The following AFDN variants were observed in gnomAD, a reference collection of about 807,000 sequenced individuals.
AFDN encodes afadin, adherens junction formation factor.
Under a neutral mutation model 216.6 loss-of-function variants are expected in AFDN, and 68 were observed. That is an observed-to-expected ratio of 0.31 (90% CI 0.26 to 0.38). The LOEUF (loss-of-function observed/expected upper bound fraction) is 0.38. Ranked by LOEUF, AFDN falls within the 10% of genes least tolerant of loss-of-function variation. The probability of loss-of-function intolerance (pLI) is 1.00; values close to 1 mark genes in which losing one functional copy is unlikely to be tolerated. For synonymous variants in AFDN, 868 were observed against 853.7 expected (o/e 1.02, Z -0.29); for missense variants, 2,136 against 2,342.0 (o/e 0.91, Z 1.82).
intron 1 of AFDN, among the ~76,000 whole-genome samples, chr6:167,843,958 T>A (rs868062441): frequency 6.6e-6 from 1 of 152,298 alleles, no homozygotes; most frequent in East Asian, 1.9e-4. Flanking sequence ...CCTGTTTTAC[T>A]CAAAGGGAAA....
At chr6:167,946,969 T>C in intron 27 of AFDN, 68 bp downstream of exon 27, 1 of 1,365,098 alleles carries the variant, frequency 7.3e-7, no homozygotes, top group Non-Finnish European at 1.0e-6. Flanking sequence ...AGGAGGCACT[T>C]TGTGGTTTGT....
chr6:167,854,051 T>A (rs1467665973), intron 1 of AFDN, among the ~76,000 whole-genome samples: 1 of 152,068 alleles, frequency 6.6e-6, no homozygotes, highest in African/African-American at 2.4e-5. Context: ...TGCCAAATTC[T>A]GCACCTTGGG....
At chr6:167,907,705 T>G (rs918141600) in intron 13 of AFDN, among the ~76,000 whole-genome samples, 2 of 152,238 alleles carry the variant, frequency 1.3e-5, no homozygotes, top group Non-Finnish European at 2.9e-5. Flanking sequence ...AAACAGATTT[T>G]AAGAATTATA....
In AFDN at chr6:167,950,985, C is replaced by T. The variant is rs62427710; in HGVS notation, c.3832-201C>T. On this transcript the variant is annotated intron_variant, in intron 29 of 33. Coordinates refer to ENST00000683244, the MANE Select transcript of AFDN (RefSeq NM_001386888.1). ...GTGCTGGGATTATAGGCGTGAGCCA[C>T]CACGCTTGGCCGCTTTTCCTTCTTT... Among the ~76,000 whole-genome samples, 592 of 152,086 alleles carry T rather than the reference C, an allele frequency of 3.9e-3. 3 individuals are homozygous for T. The Middle Eastern group carries it at 0.041, about 10-fold the overall frequency.
chr6:167,929,844 C>G (rs1159117282), intron 23 of AFDN, among the ~76,000 whole-genome samples: 1 of 152,142 alleles, frequency 6.6e-6, no homozygotes, highest in Non-Finnish European at 1.5e-5. Flanking sequence ...ATACCTTCCA[C>G]AGTGAATAAT....
At position 167,948,389 on chromosome 6, in the gene AFDN, C is replaced by T. The variant is rs372686576; in HGVS notation, c.3742C>T (p.Arg1248Trp). 2.0e-5 allele frequency: 32 copies of T among 1,613,988 alleles called. No homozygotes were observed. In the Middle Eastern group the frequency reaches 4.9e-4, roughly 25 times the overall value. Residue 1248 changes from arginine (R) to tryptophan (W), a missense_variant, in exon 29 of 34, where the codon CGG becomes TGG. Arg to Trp is a moderately radical substitution (Grantham distance 101). Coordinates refer to ENST00000683244, the MANE Select transcript of AFDN (RefSeq NM_001386888.1). ...FTFPASKSQD[R>W]MAPPQNQWPN... The stretch of plus-strand genomic sequence containing the variant: ...CTTCCCAGCTTCCAAATCCCAGGAT[C>T]GGATGGCTCCTCCTCAGAACCAGTG...
In AFDN at chr6:167,911,327, C is replaced by T; in HGVS notation, c.1875C>T (p.Ser625=). 3 of 1,613,976 alleles carry T rather than the reference C, an allele frequency of 1.9e-6. No homozygotes were observed. In the South Asian group the frequency reaches 3.3e-5, roughly 18 times the overall value. ...FLSAIINYTN[S]STVHFKLSPT... is the part of the protein sequence containing the mutation. Reference sequence around the variant, plus strand: ...CTGCCATTATAAATTATACTAATAGCTCTACAGTCCACTTTAAGTTGTCCC... The same window carrying T: ...CTGCCATTATAAATTATACTAATAGTTCTACAGTCCACTTTAAGTTGTCCC... The change falls in exon 15 of 34, where the codon AGC becomes AGT. Residue 625 remains serine, a synonymous_variant. Coordinates refer to ENST00000683244, the MANE Select transcript of AFDN (RefSeq NM_001386888.1).
chr6:167,969,752 A>G, intron 33 of AFDN, 30 bp from the exon 34 acceptor site: 10 of 1,580,058 alleles, frequency 6.3e-6, no homozygotes, highest in Non-Finnish European at 8.6e-6. Context: ...TAGTTTGTCC[A>G]GTAATCTTTG....
chr6:167,889,364 C>A, intron 7 of AFDN, 38 bp downstream of exon 7: 1 of 1,377,986 alleles, frequency 7.3e-7, no homozygotes, highest in Non-Finnish European at 1.0e-6. Context: ...CACCAGATTC[C>A]TATGTGATAT....
rs1427368946 is a variant in AFDN, at chr6:167,929,537, G to A, written c.3099+4446G>A. ...CCTCCTCAGGTCACTCACACAGCAA[G>A]TCTTCCCTGGTAAGAGGAAGGTGAA... On this transcript the variant is annotated intron_variant, in intron 23 of 33. Coordinates refer to ENST00000683244, the MANE Select transcript of AFDN (RefSeq NM_001386888.1). 2.0e-5 allele frequency among the ~76,000 whole-genome samples: 3 copies of A among 152,204 alleles called. No homozygotes were observed. The East Asian group carries it at 5.8e-4, about 29-fold the overall frequency.
intron 6 of AFDN, among the ~76,000 whole-genome samples, chr6:167,885,317 C>A (rs1786654654): frequency 6.6e-6 from 1 of 152,204 alleles, no homozygotes; most frequent in African/African-American, 2.4e-5. Flanking sequence ...TTGACTGGCA[C>A]CAAGAAGCCT....
intron 1 of AFDN, among the ~76,000 whole-genome samples, chr6:167,838,952 C>A (rs1283789035): frequency 6.6e-6 from 1 of 152,180 alleles, no homozygotes; most frequent in Non-Finnish European, 1.5e-5. Flanking sequence ...AATTGCTCAC[C>A]CATTATATTT....
chr6:167,864,968 TATTA>T, intron 2 of AFDN: 1 of 702,408 alleles, frequency 1.4e-6, no homozygotes, highest in Non-Finnish European at 2.6e-6. Flanking sequence ...AGAATGAATA[TATTA>T]ATTTTGCATA....
chr6:167,890,607 A>T (rs1335200096), intron 7 of AFDN, among the ~76,000 whole-genome samples: 1 of 151,360 alleles, frequency 6.6e-6, no homozygotes, highest in Non-Finnish European at 1.5e-5. Flanking sequence ...CAAGCTTATG[A>T]TGTCTTTCGG....
intron 2 of AFDN, 139 bp downstream of exon 2, chr6:167,864,885 G>C: frequency 1.1e-6 from 1 of 905,774 alleles, no homozygotes; most frequent in Non-Finnish European, 1.8e-6. Flanking sequence ...AGAGTAGCTG[G>C]CAGGCTGAGA....
At chr6:167,936,910 G>A (rs1405304852) in intron 23 of AFDN, among the ~76,000 whole-genome samples, 1 of 152,176 alleles carries the variant, frequency 6.6e-6, no homozygotes, top group African/African-American at 2.4e-5. Flanking sequence ...TTTCATCTCT[G>A]GGTAATCATC....
intron 23 of AFDN, among the ~76,000 whole-genome samples, chr6:167,929,248 A>G (rs1284751314): frequency 6.6e-6 from 1 of 152,098 alleles, no homozygotes; most frequent in Non-Finnish European, 1.5e-5. Flanking sequence ...GCATTAAAAA[A>G]AAAAAAATTA....
chr6:167,934,428 A>C (rs1793724826), intron 23 of AFDN, among the ~76,000 whole-genome samples: 1 of 152,228 alleles, frequency 6.6e-6, no homozygotes. Flanking sequence ...TTCCTACCCA[A>C]GAAGAGAGAT....
At chr6:167,905,021 G>A (rs73032758) in intron 12 of AFDN, among the ~76,000 whole-genome samples, 3,067 of 152,096 alleles carry the variant, frequency 0.02, 56 homozygotes, top group Non-Finnish European at 0.033. Flanking sequence ...TCCTGTGCCC[G>A]TGCCTGCCTC....
Sources: allele counts gnomAD v4.1 joint callset (sites outside exome capture counted in the v4.1 genomes callset), GRCh38; gene constraint gnomAD v4.1.1; transcripts MANE v1.5; gene names NCBI Gene and HGNC (gene_info 2026-07-23, HGNC 2026-07-21).